The following SIPA1L3 variants were observed in gnomAD, a reference collection of about 807,000 sequenced individuals.
The protein encoded by SIPA1L3 is signal induced proliferation associated 1 like 3.
Under a neutral mutation model 150.1 loss-of-function variants are expected in SIPA1L3, and 59 were observed. The ratio of observed to expected loss-of-function variants is 0.39; its 90% CI spans 0.32 to 0.49. The LOEUF is 0.49. Ranked by LOEUF, SIPA1L3 falls within the 20% of genes least tolerant of loss-of-function variation. The pLI, the probability that SIPA1L3 is intolerant of heterozygous loss-of-function variation, is 0.86. For missense variants in SIPA1L3, 2,211 were observed against 2,489.5 expected (o/e 0.89, Z 2.38); for synonymous variants, 1,070 against 1,077.6 (o/e 0.99, Z 0.14).
intron 2 of SIPA1L3, among the ~76,000 whole-genome samples, chr19:38,055,022 G>A (rs920436385): frequency 4.6e-5 from 7 of 152,304 alleles, no homozygotes; most frequent in African/African-American, 1.2e-4. Flanking sequence ...TAACTGATTC[G>A]GGGTGCTGCT....
rs116953138 is a variant in SIPA1L3 at position 37,941,185 on chromosome 19, G to C, written c.-379+33827G>C. On this transcript the variant is annotated intron_variant, in intron 1 of 21. Transcript: ENST00000222345. ...TAGGTGTTGCTGTGTATCCGTTAGG[G>C]ATGTAAAGCTGGGGGCCCCTTTCTG... Among the ~76,000 whole-genome samples, 1,059 of 152,090 alleles carry C rather than the reference G, an allele frequency of 7.0e-3. 33 individuals are homozygous for C. The highest frequency in any genetic ancestry group is 0.068 in the East Asian group (352 of 5,160).
chr19:38,142,523 G>T, intron 11 of SIPA1L3, 50 bp from the exon 12 acceptor site: 1 of 1,554,872 alleles, frequency 6.4e-7, no homozygotes. Context: ...CCAGGGCAGG[G>T]GTACCCTCCT....
In SIPA1L3 at chr19:38,130,749, T is replaced by G. The variant is rs1305255383; in HGVS notation, c.3120T>G (p.Pro1040=). Residue 1040 remains proline (P), a synonymous_variant, in exon 10 of 22, where the codon CCT becomes CCG. Transcript: ENST00000222345. ...CTGTGAAGGTGGTCATCATCCCGCC[T>G]TTTGAGGACGGCACTCCCCGGAGGT... ...SVTVKVVIIP[P]FEDGTPRRGW... is the part of the protein sequence containing the mutation. 1 of 1,608,794 alleles carries G rather than the reference T, an allele frequency of 6.2e-7. No homozygotes were observed. The highest frequency in any genetic ancestry group is 2.2e-5 in the East Asian group (1 of 44,714).
rs770467951 is a variant in SIPA1L3 at position 38,081,869 on chromosome 19, T to C, written c.304T>C (p.Ser102Pro). The C allele has an allele frequency of 3.7e-6, 6 of 1,613,542 alleles. No homozygotes were observed. The South Asian group carries it at 5.5e-5, about 15-fold the overall frequency. The change falls in exon 3 of 22, where the codon TCC (serine) becomes CCC (proline). Residue 102 changes from serine (S) to proline (P), a missense_variant. This residue lies in a region of SIPA1L3 where 130 missense variants were observed against 174.5 expected (regional missense o/e 0.74). Coordinates refer to ENST00000222345, the MANE Select transcript of SIPA1L3 (RefSeq NM_015073.3). ...ALREHSNPSP[S>P]QDTDGTKATK... Reference sequence around the variant, plus strand: ...GAGAGAGCACAGCAACCCAAGCCCCTCCCAGGACACAGATGGCACAAAGGC... The same window carrying C: ...GAGAGAGCACAGCAACCCAAGCCCCCCCCAGGACACAGATGGCACAAAGGC...
chr19:38,156,438 CT>C (rs1447025546), intron 13 of SIPA1L3, among the ~76,000 whole-genome samples: 1 of 150,992 alleles, frequency 6.6e-6, no homozygotes, highest in Non-Finnish European at 1.5e-5. Context: ...CTTGGCTCCC[CT>C]CTCACTTCCT....
intron 17 of SIPA1L3, 33 bp downstream of exon 17, chr19:38,192,343 C>T (rs375494615): frequency 1.3e-6 from 2 of 1,551,666 alleles, no homozygotes; most frequent in South Asian, 1.2e-5. Context: ...CTCCCGACCC[C>T]CAGCTCCCAA....
At chr19:37,967,388 G>A (rs939402054) in intron 1 of SIPA1L3, among the ~76,000 whole-genome samples, 1 of 151,818 alleles carries the variant, frequency 6.6e-6, no homozygotes, top group Non-Finnish European at 1.5e-5. Context: ...CGAGTAGCTG[G>A]GATTACAGGC....
intron 19 of SIPA1L3, among the ~76,000 whole-genome samples, chr19:38,201,461 G>A (rs1162185044): frequency 6.6e-6 from 1 of 152,166 alleles, no homozygotes; most frequent in Non-Finnish European, 1.5e-5. Flanking sequence ...ACGAATCCCC[G>A]TGGACCTGGC....
intron 1 of SIPA1L3, among the ~76,000 whole-genome samples, chr19:38,014,545 T>G (rs1245336026): frequency 5.1e-4 from 8 of 15,654 alleles, no homozygotes; most frequent in African/African-American, 1.5e-3. Flanking sequence ...CACCACATTC[T>G]TTTTTTTTTT....
intron 2 of SIPA1L3, among the ~76,000 whole-genome samples, chr19:38,036,194 A>G (rs889698650): frequency 2.6e-5 from 4 of 152,178 alleles, no homozygotes; most frequent in Non-Finnish European, 4.4e-5. Flanking sequence ...GCCAAGCCCC[A>G]AATTAGACCT....
At chr19:38,175,416 G>C (rs1972416287) in intron 15 of SIPA1L3, among the ~76,000 whole-genome samples, 1 of 152,100 alleles carries the variant, frequency 6.6e-6, no homozygotes, top group South Asian at 2.1e-4. Flanking sequence ...TTATGCAGCT[G>C]GTATGATTTC....
intron 2 of SIPA1L3, among the ~76,000 whole-genome samples, chr19:38,074,233 G>A (rs1331267025): frequency 6.6e-6 from 1 of 152,258 alleles, no homozygotes; most frequent in African/African-American, 2.4e-5. Context: ...GCTAGGAGAA[G>A]GGATTTGTTC....
chr19:38,042,062 C>T (rs533127869), intron 2 of SIPA1L3, among the ~76,000 whole-genome samples: 4 of 152,066 alleles, frequency 2.6e-5, no homozygotes, highest in Non-Finnish European at 5.9e-5. Context: ...GATGTAGTCC[C>T]GTTTATTTAT....
chr19:38,066,722 G>A (rs536642417), intron 2 of SIPA1L3, among the ~76,000 whole-genome samples: 3 of 152,246 alleles, frequency 2.0e-5, no homozygotes, highest in African/African-American at 7.2e-5. Flanking sequence ...AGCTACTCAG[G>A]AGGCTGAGGT....
intron 1 of SIPA1L3, among the ~76,000 whole-genome samples, chr19:37,974,252 G>A (rs1375575472): frequency 7.2e-5 from 11 of 152,132 alleles, no homozygotes; most frequent in Admixed American, 7.2e-4. Context: ...TGGGCATGAT[G>A]GCTTGCACCT....
At chr19:38,100,752 C>T (rs976110531) in intron 5 of SIPA1L3, among the ~76,000 whole-genome samples, 5 of 152,230 alleles carry the variant, frequency 3.3e-5, no homozygotes, top group Admixed American at 6.5e-5. Context: ...TGTGGGATGC[C>T]GGCCAAGGCA....
chr19:37,924,736 T>C (rs1459101532), intron 1 of SIPA1L3, among the ~76,000 whole-genome samples: 1 of 151,676 alleles, frequency 6.6e-6, no homozygotes, highest in Non-Finnish European at 1.5e-5. Context: ...AGTCATTTAT[T>C]ATCCTTATCA....
At chr19:37,909,340 T>A (rs966816775) in intron 1 of SIPA1L3, among the ~76,000 whole-genome samples, 1 of 151,430 alleles carries the variant, frequency 6.6e-6, no homozygotes, top group East Asian at 1.9e-4. Flanking sequence ...CCTGAGTAGC[T>A]GGGATTACAG....
intron 2 of SIPA1L3, among the ~76,000 whole-genome samples, chr19:38,057,558 A>G (rs1195723035): frequency 6.6e-6 from 1 of 151,870 alleles, no homozygotes; most frequent in Non-Finnish European, 1.5e-5. Flanking sequence ...TTTGCCTGTT[A>G]TAAAGGATAC....
Sources: gnomAD v4.1 joint callset for allele counts (sites outside exome capture counted in the v4.1 genomes callset) on GRCh38, gnomAD v4.1.1 for gene constraint, gnomAD v4.1.1 regional missense constraint, MANE v1.5 for transcripts, NCBI Gene and HGNC (gene_info 2026-07-23, HGNC 2026-07-21) for gene names.